Variants in NEBL observed in about 807,000 individuals in gnomAD.
NEBL encodes the protein nebulette, also known as LIM and SH3 protein 2.
Under a neutral mutation model 140.2 loss-of-function variants are expected in NEBL, and 122 were observed. The ratio of observed to expected loss-of-function variants is 0.87; its 90% CI spans 0.75 to 1.01. The LOEUF is 1.01. NEBL is among the 50% of genes least tolerant of loss of function. NEBL has a pLI of 0.00. For synonymous variants in NEBL, 436 were observed against 398.9 expected (o/e 1.09, Z -1.11); for missense variants, 1,365 against 1,231.3 (o/e 1.11, Z -1.62).
chr10:20,794,650 C>A (rs999674086), intron 26 of NEBL, among the ~76,000 whole-genome samples: 5 of 152,130 alleles, frequency 3.3e-5, no homozygotes, highest in Non-Finnish European at 5.9e-5. Context: ...CAGGTGTATA[C>A]CCCTGTGAAA....
intron 4 of NEBL, among the ~76,000 whole-genome samples, chr10:20,934,649 G>A (rs1221164803): frequency 3.9e-5 from 6 of 152,246 alleles, no homozygotes; most frequent in Middle Eastern, 3.4e-3. Flanking sequence ...CTAGACAGAA[G>A]GGGCCTGGAT....
intron 26 of NEBL, chr10:20,804,668 C>T (rs1483327834): frequency 6.6e-6 from 1 of 152,012 alleles, no homozygotes; most frequent in Non-Finnish European, 1.5e-5. Flanking sequence ...TGCAAAAGCC[C>T]TAGGGGGAAG....
At chr10:21,125,810 G>A in intron 2 of NEBL, 1 of 1,576,062 alleles carries the variant, frequency 6.3e-7, no homozygotes, top group Admixed American at 1.7e-5. Context: ...ATAAGACAGT[G>A]TCCTTCAGAC....
chr10:21,042,593 C>T (rs1371696919), intron 2 of NEBL, among the ~76,000 whole-genome samples: 2 of 152,242 alleles, frequency 1.3e-5, no homozygotes, highest in African/African-American at 4.8e-5. Flanking sequence ...CAGGATGTGC[C>T]TTTGCACTGT....
intron 2 of NEBL, among the ~76,000 whole-genome samples, chr10:21,128,873 A>T (rs576416223): frequency 2.0e-5 from 3 of 152,346 alleles, no homozygotes; most frequent in African/African-American, 7.2e-5. Flanking sequence ...AGCATGAAAG[A>T]AGGACATACA....
chr10:20,929,496 T>C (rs1234513051), intron 4 of NEBL, among the ~76,000 whole-genome samples: 4 of 152,210 alleles, frequency 2.6e-5, no homozygotes, highest in Admixed American at 6.5e-5. Flanking sequence ...TTCATGCCTA[T>C]GCATATTTCA....
intron 3 of NEBL, among the ~76,000 whole-genome samples, chr10:21,019,144 G>T (rs1838678701): frequency 6.6e-6 from 1 of 152,114 alleles, no homozygotes; most frequent in Non-Finnish European, 1.5e-5. Flanking sequence ...GAATTCTCAG[G>T]GACCATCATT....
intron 5 of NEBL, among the ~76,000 whole-genome samples, chr10:20,875,966 A>G (rs1165804583): frequency 6.6e-6 from 1 of 152,246 alleles, no homozygotes; most frequent in Non-Finnish European, 1.5e-5. Flanking sequence ...CTTTGTCTTT[A>G]GCAAAACTCT....
chr10:21,189,043 T>C (rs902080808), intron 3 of NEBL, among the ~76,000 whole-genome samples: 5 of 152,158 alleles, frequency 3.3e-5, no homozygotes, highest in African/African-American at 1.2e-4. Flanking sequence ...GTAAAATAAC[T>C]ATAGTAGATT....
intron 2 of NEBL, among the ~76,000 whole-genome samples, chr10:20,896,603 T>A (rs1239479665): frequency 6.6e-6 from 1 of 150,680 alleles, no homozygotes; most frequent in Non-Finnish European, 1.5e-5. Flanking sequence ...TTCATTTAGA[T>A]AGAGGGCCTC....
intron 3 of NEBL, among the ~76,000 whole-genome samples, chr10:20,995,054 C>T (rs2131696696): frequency 6.6e-6 from 1 of 152,300 alleles, no homozygotes; most frequent in African/African-American, 2.4e-5. Flanking sequence ...CAAAAGCCAA[C>T]CACAGACATC....
At chr10:20,908,805 T>C (rs1481660055) in intron 4 of NEBL, among the ~76,000 whole-genome samples, 1 of 152,122 alleles carries the variant, frequency 6.6e-6, no homozygotes, top group Non-Finnish European at 1.5e-5. Context: ...GAAATGCCAA[T>C]CAACCTGAGG....
chr10:20,795,153 G>C (rs947669613), intron 26 of NEBL, among the ~76,000 whole-genome samples: 4 of 152,158 alleles, frequency 2.6e-5, no homozygotes. Flanking sequence ...GTTGAGCAGA[G>C]AAGATTCTAG....
rs192473794 is a variant in NEBL, at chr10:21,203,219, T to C, written n.349-30742A>G. 7.9e-3 allele frequency among the ~76,000 whole-genome samples: 1,198 copies of C among 152,272 alleles called. 5 individuals are homozygous for C. The highest frequency in any genetic ancestry group is 0.027 in the Middle Eastern group (8 of 294). ...AGATAGAAGAACACGACTAAGCTGT[T>C]CCCTCATTATCACCAAATCATCTCT... On this transcript the variant is annotated intron_variant and non_coding_transcript_variant, in intron 3 of 8. Coordinates refer to the NEBL transcript ENST00000675702.
intron 4 of NEBL, among the ~76,000 whole-genome samples, chr10:20,937,999 C>A (rs1326828824): frequency 6.6e-6 from 1 of 152,214 alleles, no homozygotes; most frequent in African/African-American, 2.4e-5. Context: ...CCTCTGTAGA[C>A]TCCACCTCTC....
At chr10:21,157,591 C>T (rs1309052313) in intron 2 of NEBL, among the ~76,000 whole-genome samples, 1 of 152,104 alleles carries the variant, frequency 6.6e-6, no homozygotes, top group Non-Finnish European at 1.5e-5. Flanking sequence ...AAAAAATTGA[C>T]AGCATTGAAT....
At chr10:20,877,998 C>T (rs1845668704) in intron 5 of NEBL, among the ~76,000 whole-genome samples, 1 of 152,134 alleles carries the variant, frequency 6.6e-6, no homozygotes, top group South Asian at 2.1e-4. Context: ...AGACGATGAA[C>T]CTCAGGTACT....
chr10:21,028,254 A>AAAAG (rs1554819372), intron 2 of NEBL, among the ~76,000 whole-genome samples: 2 of 70,330 alleles, frequency 2.8e-5, no homozygotes, highest in Admixed American at 1.5e-4. Flanking sequence ...AAAAAAAAAA[A>AAAAG]AAGAAGAAGA....
chr10:21,235,055 G>A (rs958222569), intron 3 of NEBL, among the ~76,000 whole-genome samples: 3 of 152,202 alleles, frequency 2.0e-5, no homozygotes, highest in African/African-American at 7.2e-5. Flanking sequence ...AGCATTTTGG[G>A]AGGCCAAGAC....
Sources: allele counts gnomAD v4.1 joint callset (sites outside exome capture counted in the v4.1 genomes callset), GRCh38; gene constraint gnomAD v4.1.1; transcripts MANE v1.5; gene names NCBI Gene and HGNC (gene_info 2026-07-23, HGNC 2026-07-21).